Variants in QTGAL observed in about 807,000 individuals in gnomAD.
QTGAL encodes queuosine-tRNA galactosyltransferase, also known as BGnT-like protein 1.
At chr17:83,042,564 G>A in the QTGAL span, among the ~76,000 whole-genome samples, 7 of 152,094 alleles carry the variant, frequency 4.6e-5, no homozygotes, top group African/African-American at 9.7e-5. Flanking sequence ...AAAAGGAAAC[G>A]AGAAGGGAAT....
the QTGAL span, among the ~76,000 whole-genome samples, chr17:83,041,865 G>A: frequency 2.0e-5 from 3 of 152,168 alleles, no homozygotes; most frequent in African/African-American, 4.8e-5. Flanking sequence ...ATCCAGCAAA[G>A]TCATCTTTCA....
chr17:82,970,668 C>CCGGCGTGGCCGTGACCTCTGCACA, the QTGAL span, among the ~76,000 whole-genome samples: 44 of 123,460 alleles, frequency 3.6e-4, 6 homozygotes, highest in African/African-American at 1.5e-3. Flanking sequence ...ACCTCCGCAC[C>CCGGCGTGGCCGTGACCTCTGCACA]CAGCGTGGCC....
chr17:82,972,501 A>C, the QTGAL span, among the ~76,000 whole-genome samples: 2 of 81,606 alleles, frequency 2.5e-5, no homozygotes, highest in Non-Finnish European at 4.5e-5. Context: ...GTGCCGACAC[A>C]CCACACCATG....
chr17:82,948,726 C>T, the QTGAL span: 1 of 152,248 alleles, frequency 6.6e-6, no homozygotes, highest in Non-Finnish European at 1.5e-5. Flanking sequence ...GACGGCATTT[C>T]GTTCCTGGAA....
At chr17:82,956,533 G>C in the QTGAL span, among the ~76,000 whole-genome samples, 1 of 152,226 alleles carries the variant, frequency 6.6e-6, no homozygotes, top group South Asian at 2.1e-4. This position sits in a 1 kb window ranked among gnomAD's most constrained non-coding sequence, Gnocchi z 5.7. Context: ...CCACAGCCTG[G>C]TCTGTGGTGC....
the QTGAL span, among the ~76,000 whole-genome samples, chr17:82,962,605 A>G: frequency 0.011 from 1,145 of 105,766 alleles, 5 homozygotes; most frequent in Admixed American, 0.014. Context: ...ACGGACCCTC[A>G]CACGGGTGAT....
chr17:83,015,497 T>C, the QTGAL span, among the ~76,000 whole-genome samples: 1 of 152,248 alleles, frequency 6.6e-6, no homozygotes, highest in Non-Finnish European at 1.5e-5. This position sits in a 1 kb window ranked among gnomAD's most constrained non-coding sequence, Gnocchi z 4.4. Context: ...ACAAGCCTAA[T>C]GTTCAGTGAA....
chr17:83,006,775 T>C, the QTGAL span: 1 of 985,486 alleles, frequency 1.0e-6, no homozygotes, highest in Non-Finnish European at 1.2e-6. The surrounding 1 kb of genome is among the most constrained non-coding windows in gnomAD (Gnocchi z 5.8). Flanking sequence ...AGTCAGGTCC[T>C]GTGCTGGCGA....
chr17:83,025,893 T>C, the QTGAL span, among the ~76,000 whole-genome samples: 2 of 152,162 alleles, frequency 1.3e-5, no homozygotes, highest in African/African-American at 4.8e-5. Flanking sequence ...GAGAATGTTC[T>C]TTGCAGGACG....
the QTGAL span, among the ~76,000 whole-genome samples, chr17:83,012,226 C>T: frequency 1.8e-4 from 15 of 81,440 alleles, no homozygotes; most frequent in African/African-American, 6.2e-4. Context: ...ACACACGCCA[C>T]GAACTCCTCG....
the QTGAL span, among the ~76,000 whole-genome samples, chr17:82,968,319 A>G: frequency 1.3e-5 from 2 of 151,976 alleles, no homozygotes; most frequent in East Asian, 3.9e-4. Flanking sequence ...CCACGAGTCC[A>G]GTGGAGCCCT....
At chr17:82,990,472 C>T in the QTGAL span, among the ~76,000 whole-genome samples, 6 of 152,372 alleles carry the variant, frequency 3.9e-5, no homozygotes, top group East Asian at 3.9e-4. Context: ...TGCCATATCA[C>T]GTGGCCAAGC....
At chr17:83,004,933 A>G in the QTGAL span, among the ~76,000 whole-genome samples, 2 of 152,234 alleles carry the variant, frequency 1.3e-5, no homozygotes, top group Non-Finnish European at 2.9e-5. Context: ...AGCCTAGCAC[A>G]TGTGTCCGCT....
At chr17:82,951,934 A>G in the QTGAL span, among the ~76,000 whole-genome samples, 14 of 151,864 alleles carry the variant, frequency 9.2e-5, no homozygotes, top group African/African-American at 2.9e-4. Flanking sequence ...ATACAGTAAC[A>G]GTTTGACATA....
At chr17:82,969,679 C>T in the QTGAL span, among the ~76,000 whole-genome samples, 35 of 152,158 alleles carry the variant, frequency 2.3e-4, no homozygotes, top group Non-Finnish European at 4.4e-4. Flanking sequence ...TAGCAAGACC[C>T]CATCTTTTAA....
At chr17:83,031,827 G>A in the QTGAL span, among the ~76,000 whole-genome samples, 2 of 152,326 alleles carry the variant, frequency 1.3e-5, no homozygotes, top group East Asian at 1.9e-4. Flanking sequence ...CGACTGTAAC[G>A]CCCTCTGCAC....
chr17:83,016,444 G>A, the QTGAL span, among the ~76,000 whole-genome samples: 1 of 151,864 alleles, frequency 6.6e-6, no homozygotes, highest in African/African-American at 2.4e-5. Context: ...GGAAGTGGGA[G>A]GAGGGCAGAG....
At chr17:83,034,990 A>G in the QTGAL span, 1 of 1,434,294 alleles carries the variant, frequency 7.0e-7, no homozygotes. Flanking sequence ...TTATTCAACC[A>G]ACATGTACAC....
the QTGAL span, chr17:83,007,280 G>A: frequency 2.9e-5 from 29 of 985,350 alleles, no homozygotes; most frequent in Non-Finnish European, 3.5e-5. Flanking sequence ...CCGCCGCCCT[G>A]CCCAGCGAGT....
Sources: allele counts gnomAD v4.1 joint callset (sites outside exome capture counted in the v4.1 genomes callset), GRCh38; gene constraint gnomAD v4.1.1; non-coding constraint Gnocchi (gnomAD v3.1); transcripts MANE v1.5; gene names NCBI Gene and HGNC (gene_info 2026-07-23, HGNC 2026-07-21).